Variants in PCDHGB5 observed in about 807,000 individuals in gnomAD.
The protein encoded by PCDHGB5 is protocadherin gamma-B5.
A neutral mutation model predicts 62.9 loss-of-function variants in PCDHGB5; 48 were observed. The observed-to-expected ratio is 0.76, with a 90% confidence interval of 0.61 to 0.97. The LOEUF (loss-of-function observed/expected upper bound fraction) is 0.97. PCDHGB5 is among the 50% of genes least tolerant of loss of function. The probability of loss-of-function intolerance (pLI) is 0.00; values close to 1 mark genes in which losing one functional copy is unlikely to be tolerated. For synonymous variants in PCDHGB5, 474 were observed against 511.2 expected (o/e 0.93, Z 0.98); for missense variants, 1,118 against 1,198.6 (o/e 0.93, Z 0.99).
At chr5:141,463,034 G>A (rs2099051345) in intron 1 of PCDHGB5, among the ~76,000 whole-genome samples, 2 of 152,112 alleles carry the variant, frequency 1.3e-5, no homozygotes, top group African/African-American at 4.8e-5. Flanking sequence ...ATTAATCTGA[G>A]TGTTCAGCAG....
At chr5:141,408,008 C>A in intron 1 of PCDHGB5, 2 of 949,842 alleles carry the variant, frequency 2.1e-6, no homozygotes, top group Non-Finnish European at 3.0e-6. Context: ...GGATTCCCTG[C>A]GCAGCCAACA....
At position 141,477,572 on chromosome 5, in the gene PCDHGB5, G is replaced by A. The variant is rs375416133; in HGVS notation, c.2398-17235G>A. The A allele has an allele frequency of 6.2e-7, 1 of 1,614,112 alleles. No homozygotes were observed. The highest frequency in any genetic ancestry group is 8.5e-7 in the Non-Finnish European group (1 of 1,180,030). On this transcript the variant is annotated intron_variant, in intron 1 of 3. Coordinates refer to ENST00000617380, the MANE Select transcript of PCDHGB5 (RefSeq NM_018925.3). This position sits in a 1 kb window ranked among gnomAD's most constrained non-coding sequence, Gnocchi z 4.9. ...AAACCTAAGTGTCTGGGACCCCGAC[G>A]CCCCGCAGAATGCTCGGCTTTCTTT...
chr5:141,508,731 A>C (rs1596169554), intron 3 of PCDHGB5, among the ~76,000 whole-genome samples: 6 of 145,538 alleles, frequency 4.1e-5, no homozygotes, highest in African/African-American at 5.1e-5. Context: ...GGGAGACTAC[A>C]CCCCCCACCC....
chr5:141,426,790 A>T, intron 1 of PCDHGB5: 1 of 456,732 alleles, frequency 2.2e-6, no homozygotes, highest in Middle Eastern at 3.3e-4. Flanking sequence ...CTCCAGAGTT[A>T]CCAGCTCAGT....
chr5:141,457,118 A>G (rs1427146922), intron 1 of PCDHGB5, among the ~76,000 whole-genome samples: 3 of 152,228 alleles, frequency 2.0e-5, no homozygotes, highest in Non-Finnish European at 4.4e-5. Context: ...TACGACAGCA[A>G]TGGAAACTCT....
intron 1 of PCDHGB5, chr5:141,404,365 C>A: frequency 6.2e-7 from 1 of 1,613,936 alleles, no homozygotes; most frequent in South Asian, 1.1e-5. Context: ...GTACTTCCAT[C>A]TTCTCCGTGA....
rs530622003 is a variant in PCDHGB5, at chr5:141,437,077, T to G, written c.2397+36553T>G. ...TGATCATTATTTGGTTTGGGCCATA[T>G]AAGAATTGAAACTAACGGCTTAGCT... On this transcript the variant is annotated intron_variant, in intron 1 of 3. Transcript: ENST00000617380. Among the ~76,000 whole-genome samples, 107 of 152,372 alleles carry G rather than the reference T, an allele frequency of 7.0e-4. 1 individual carries two copies. The highest frequency in any genetic ancestry group is 6.4e-3 in the South Asian group (31 of 4,828).
At chr5:141,413,449 G>T in intron 1 of PCDHGB5, 2 of 1,614,120 alleles carry the variant, frequency 1.2e-6, no homozygotes, top group South Asian at 2.2e-5. Context: ...GATCACCGCG[G>T]GCAGGATAGA....
chr5:141,408,660 C>T, intron 1 of PCDHGB5: 1 of 1,613,980 alleles, frequency 6.2e-7, no homozygotes, highest in East Asian at 2.2e-5. Context: ...ACACGACTAT[C>T]GCTTGACCCT....
At chr5:141,454,034 G>A (rs530844564) in intron 1 of PCDHGB5, among the ~76,000 whole-genome samples, 10 of 152,270 alleles carry the variant, frequency 6.6e-5, no homozygotes, top group African/African-American at 2.4e-4. Context: ...GAATTGGCCA[G>A]CAAAGATAAA....
chr5:141,461,072 A>C (rs555905734), intron 1 of PCDHGB5, among the ~76,000 whole-genome samples: 1 of 151,688 alleles, frequency 6.6e-6, no homozygotes, highest in African/African-American at 2.4e-5. Context: ...ACATTTTTGC[A>C]ATTGTGAATT....
intron 1 of PCDHGB5, chr5:141,412,940 T>G: frequency 2.2e-6 from 1 of 463,218 alleles, no homozygotes; most frequent in Non-Finnish European, 3.8e-6. Context: ...CTTAGGACTC[T>G]GAGCGCCGCT....
chr5:141,398,470 A>G lies in PCDHGB5; in HGVS notation c.343A>G (p.Asn115Asp). 6.2e-7 allele frequency: 1 copy of G among 1,604,828 alleles called. No individual in the cohort carries two copies. Among genetic ancestry groups the G allele is most frequent in the Non-Finnish European group, 8.5e-7 (1 of 1,172,762 alleles). ...TGAGGCTGTTGCTGAAAATCCACTG[A>G]ACTTTTATCACGTGAATGTGGAGAT... ...EFEAVAENPLNFYHVNVEIED... is the reference protein window; with the variant it reads ...EFEAVAENPLDFYHVNVEIED... Residue 115 changes from asparagine (N) to aspartate (D), a missense_variant, in exon 1 of 4, where the codon AAC (asparagine) becomes GAC (aspartate). By Grantham distance (23) the Asn-to-Asp change is conservative (BLOSUM62 1). Around this residue, in one of 2 missense-constraint regions of PCDHGB5, gnomAD observed 84 missense variants for 169.5 expected, o/e 0.50. Transcript: ENST00000617380.
intron 1 of PCDHGB5, among the ~76,000 whole-genome samples, chr5:141,447,640 G>A (rs184184100): frequency 6.6e-6 from 1 of 152,198 alleles, no homozygotes; most frequent in Admixed American, 6.5e-5. Flanking sequence ...TATGAATGAT[G>A]GTAGAATTTT....
intron 1 of PCDHGB5, among the ~76,000 whole-genome samples, chr5:141,465,995 A>G (rs551920109): frequency 1.4e-3 from 208 of 151,976 alleles, no homozygotes; most frequent in African/African-American, 4.8e-3. Context: ...GGTGGCAGGC[A>G]CCTGTAGTCC....
chr5:141,487,608 G>A lies in PCDHGB5; in HGVS notation c.2398-7199G>A, dbSNP rs970411391. On this transcript the variant is annotated intron_variant, in intron 1 of 3. Coordinates refer to ENST00000617380, the MANE Select transcript of PCDHGB5 (RefSeq NM_018925.3). The surrounding 1 kb of genome is among the most constrained non-coding windows in gnomAD (Gnocchi z 5.0). ...TGCCCACCCTCTGATCTTCTCTATG[G>A]GCTAGAGGTGAGACCTTTGCAGGCT... 1 of 1,614,182 alleles carries A rather than the reference G, an allele frequency of 6.2e-7. No individual in the cohort carries two copies. Among genetic ancestry groups the A allele is most frequent in the African/African-American group, 1.3e-5 (1 of 75,050 alleles).
chr5:141,487,068 T>C lies in PCDHGB5; in HGVS notation c.2398-7739T>C. ...TATGCTGGGGAGGTGCGGACGGCTG[T>C]TCCTATCCCAGCTGACCTCCCACCA... On this transcript the variant is annotated intron_variant, in intron 1 of 3. Transcript: ENST00000617380. The surrounding 1 kb of genome is among the most constrained non-coding windows in gnomAD (Gnocchi z 5.0). The C allele has an allele frequency of 6.2e-7, 1 of 1,614,166 alleles. No individual in the cohort carries two copies. The highest frequency in any genetic ancestry group is 8.5e-7 in the Non-Finnish European group (1 of 1,180,016).
intron 1 of PCDHGB5, chr5:141,428,149 G>A (rs1048150182): frequency 8.8e-6 from 14 of 1,586,676 alleles, no homozygotes; most frequent in African/African-American, 1.3e-5. Flanking sequence ...CTGCACACGG[G>A]AACCTGCTGG....
chr5:141,430,235 G>T (rs1020445956), intron 1 of PCDHGB5, among the ~76,000 whole-genome samples: 3 of 128,670 alleles, frequency 2.3e-5, no homozygotes, highest in Non-Finnish European at 4.7e-5. Context: ...GTCAAAAAGA[G>T]AAACTCCTAG....
Sources: gnomAD v4.1 joint callset for allele counts (sites outside exome capture counted in the v4.1 genomes callset) on GRCh38, gnomAD v4.1.1 for gene constraint, gnomAD v4.1.1 regional missense constraint, Gnocchi (gnomAD v3.1) non-coding constraint, MANE v1.5 for transcripts, NCBI Gene and HGNC (gene_info 2026-07-23, HGNC 2026-07-21) for gene names.